Variants in TMEM196 observed in about 807,000 individuals in gnomAD.
TMEM196 encodes the protein transmembrane protein 196.
TMEM196 carries 17 observed loss-of-function variants against 20.0 expected under a neutral mutation model. The ratio of observed to expected loss-of-function variants is 0.85; its 90% CI spans 0.58 to 1.27. The LOEUF (loss-of-function observed/expected upper bound fraction) is 1.27. TMEM196 is among the 50% of genes most tolerant of loss of function. The pLI is 0.00. For missense variants in TMEM196, 267 were observed against 223.0 expected, an observed-to-expected ratio of 1.20 and a Z score of -1.26; for synonymous variants, 113 against 88.9, an observed-to-expected ratio of 1.27 and a Z score of -1.52.
intron 1 of TMEM196, among the ~76,000 whole-genome samples, chr7:19,739,667 C>T (rs746075779): frequency 2.4e-4 from 36 of 152,040 alleles, no homozygotes; most frequent in Admixed American, 6.6e-4. Flanking sequence ...AAAAGATAAA[C>T]GATTCAATGG....
chr7:19,736,352 A>ATTAT lies in TMEM196; in HGVS notation c.148-6915_148-6914insATAA, dbSNP rs1562612121. On this transcript the variant is annotated intron_variant, in intron 1 of 4. Coordinates refer to ENST00000405844, the MANE Select transcript of TMEM196 (RefSeq NM_001363562.2). ...AGATCCCACTTTTCTAGTGGTTCCT[A>ATTAT]CTATATATATATATATATATATATA... 2.6e-3 allele frequency among the ~76,000 whole-genome samples: 273 copies of ATTAT among 103,932 alleles called. 8 individuals carry two copies. The highest frequency in any genetic ancestry group is 6.5e-3 in the Middle Eastern group (1 of 154). 68.2% of individuals were successfully genotyped at this position (103,932 alleles called of 152,430 possible).
chr7:19,752,582 AT>A (rs1189628895), intron 1 of TMEM196, among the ~76,000 whole-genome samples: 1 of 151,178 alleles, frequency 6.6e-6, no homozygotes, highest in Non-Finnish European at 1.5e-5. Context: ...TTCTCGTTCA[AT>A]TTTTTTAATT....
intron 1 of TMEM196, among the ~76,000 whole-genome samples, chr7:19,752,765 C>T (rs1010377037): frequency 3.3e-5 from 5 of 152,014 alleles, no homozygotes; most frequent in African/African-American, 9.7e-5. Flanking sequence ...CAGGTGCGCA[C>T]AACTACGCCT....
chr7:19,757,279 T>G (rs1262272873), intron 1 of TMEM196, among the ~76,000 whole-genome samples: 1 of 150,846 alleles, frequency 6.6e-6, no homozygotes, highest in African/African-American at 2.4e-5. Context: ...GTTCAAGCGA[T>G]TCTCTCATCT....
chr7:19,742,323 G>C (rs913009286), intron 1 of TMEM196, among the ~76,000 whole-genome samples: 1 of 152,036 alleles, frequency 6.6e-6, no homozygotes, highest in Non-Finnish European at 1.5e-5. Context: ...ACTGGTCTTC[G>C]AAGGACTATA....
chr7:19,734,327 C>T (rs985554881), intron 1 of TMEM196, among the ~76,000 whole-genome samples: 11 of 152,162 alleles, frequency 7.2e-5, no homozygotes, highest in African/African-American at 2.4e-4. Context: ...ATTATAAGAA[C>T]GACATGTTCA....
At chr7:19,747,742 G>T (rs549594134) in intron 1 of TMEM196, among the ~76,000 whole-genome samples, 4 of 152,214 alleles carry the variant, frequency 2.6e-5, no homozygotes, top group African/African-American at 9.6e-5. Context: ...CTTCAGTTTT[G>T]TCTCTTGACA....
intron 1 of TMEM196, among the ~76,000 whole-genome samples, chr7:19,766,500 G>T (rs1381650359): frequency 6.6e-6 from 1 of 151,066 alleles, no homozygotes; most frequent in Admixed American, 6.6e-5. Flanking sequence ...GCGTGAATAG[G>T]ATCTCATGTG....
At chr7:19,724,553 T>C (rs1783925294) in intron 3 of TMEM196, among the ~76,000 whole-genome samples, 200 bp from the exon 4 acceptor site, 1 of 152,232 alleles carries the variant, frequency 6.6e-6, no homozygotes, top group Non-Finnish European at 1.5e-5. Flanking sequence ...AGGACATGCA[T>C]AGCTGTGTTT....
rs1021304496 is a variant in TMEM196, at chr7:19,773,287, A to T, written c.-591T>A. On this transcript the variant is annotated 5_prime_UTR_variant, in exon 1 of 5. Coordinates refer to ENST00000405844, the MANE Select transcript of TMEM196 (RefSeq NM_001363562.2). ...TCCCCAGGCAGAGCGGGCGGATGAT[A>T]TTCAGCACCACGCTCCTTGCAGTTG... is the stretch of plus-strand genomic sequence containing the variant. The T allele has an allele frequency of 1.3e-5, 2 of 152,326 alleles. No individual in the cohort carries two copies. Among genetic ancestry groups the T allele is most frequent in the Non-Finnish European group, 2.9e-5 (2 of 68,108 alleles). The allele number at this position is 152,326 out of a possible 1,614,324, so 9.4% of individuals were successfully genotyped here.
At chr7:19,731,218 G>C (rs1374028456) in intron 1 of TMEM196, among the ~76,000 whole-genome samples, 1 of 152,120 alleles carries the variant, frequency 6.6e-6, no homozygotes, top group East Asian at 1.9e-4. Context: ...ACATACTTTA[G>C]AAATAGATCT....
At chr7:19,751,017 G>A (rs1273272938) in intron 1 of TMEM196, among the ~76,000 whole-genome samples, 1 of 152,154 alleles carries the variant, frequency 6.6e-6, no homozygotes, top group Non-Finnish European at 1.5e-5. Flanking sequence ...AAGACTCTCT[G>A]ATTCGAAATA....
At chr7:19,731,292 G>A (rs903617009) in intron 1 of TMEM196, among the ~76,000 whole-genome samples, 2 of 152,136 alleles carry the variant, frequency 1.3e-5, no homozygotes, top group Non-Finnish European at 2.9e-5. Flanking sequence ...TATAAAACCT[G>A]AATACTTGCA....
intron 1 of TMEM196, among the ~76,000 whole-genome samples, chr7:19,759,991 C>G (rs1226309321): frequency 6.6e-6 from 1 of 152,090 alleles, no homozygotes; most frequent in Non-Finnish European, 1.5e-5. Context: ...ATTTCCTGCT[C>G]AAAAGTTTTC....
chr7:19,730,793 G>A (rs1471187417), intron 1 of TMEM196, among the ~76,000 whole-genome samples: 1 of 152,160 alleles, frequency 6.6e-6, no homozygotes, highest in African/African-American at 2.4e-5. Flanking sequence ...CTATAAGGGA[G>A]CAGAATGATT....
intron 1 of TMEM196, among the ~76,000 whole-genome samples, chr7:19,748,165 C>A (rs1351951673): frequency 1.4e-5 from 2 of 146,556 alleles, no homozygotes; most frequent in African/African-American, 5.1e-5. Flanking sequence ...AAGTTAAAAT[C>A]CTTGCGTTTT....
At position 19,721,609 on chromosome 7, in the gene TMEM196, T is replaced by C. The variant is rs1261406985; in HGVS notation, c.*519A>G. ...CACAAGTTGAAAATAATTACAATGT[T>C]TTTATAACAAGGCATTACTGAGGTT... On this transcript the variant is annotated 3_prime_UTR_variant, in exon 5 of 5. Transcript: ENST00000405844. The C allele has an allele frequency of 6.6e-6, 1 of 152,100 alleles. No individual in the cohort carries two copies. The highest frequency in any genetic ancestry group is 1.5e-5 in the Non-Finnish European group (1 of 67,948). The allele number at this position is 152,100 out of a possible 1,614,324, so 9.4% of individuals were successfully genotyped here.
At chr7:19,722,275 A>G (rs1783839997) in intron 4 of TMEM196, 141 bp from the exon 5 acceptor site, 4 of 648,136 alleles carry the variant, frequency 6.2e-6, no homozygotes, top group Non-Finnish European at 1.0e-5. Flanking sequence ...TTGCTGTTAT[A>G]TTTGAGGAAA....
rs115992889 is a variant in TMEM196 at position 19,765,785 on chromosome 7, G to C, written c.147+6765C>G. 4.1e-3 allele frequency among the ~76,000 whole-genome samples: 623 copies of C among 152,158 alleles called. 3 individuals are homozygous for C. Among genetic ancestry groups the C allele is most frequent in the African/African-American group, 0.014 (598 of 41,520 alleles). On this transcript the variant is annotated intron_variant, in intron 1 of 4. Coordinates refer to ENST00000405844, the MANE Select transcript of TMEM196 (RefSeq NM_001363562.2). The stretch of plus-strand genomic sequence containing the variant: ...GTATTTACAAAACTTTTCTAATATA[G>C]ATATTTTGGTACATTTTCATAGTTG...
Sources: gnomAD v4.1 joint callset for allele counts (sites outside exome capture counted in the v4.1 genomes callset) on GRCh38, gnomAD v4.1.1 for gene constraint, MANE v1.5 for transcripts, NCBI Gene and HGNC (gene_info 2026-07-23, HGNC 2026-07-21) for gene names.